SCN2B: variants seen among roughly 807,000 people sequenced by gnomAD.
SCN2B encodes the protein sodium channel regulatory subunit beta-2.
Under a neutral mutation model 18.2 loss-of-function variants are expected in SCN2B, and 14 were observed. The ratio of observed to expected loss-of-function variants is 0.77; its 90% confidence interval spans 0.51 to 1.21. The LOEUF (loss-of-function observed/expected upper bound fraction) is 1.21, where lower values mean the gene tolerates loss of function less well. SCN2B is among the 50% of genes most tolerant of loss of function. The pLI, the probability that SCN2B is intolerant of heterozygous loss-of-function variation, is 0.00. For synonymous variants in SCN2B, 115 were observed against 115.3 expected, an observed-to-expected ratio of 1.00 and a Z score of 0.02; for missense variants, 262 against 286.9, an observed-to-expected ratio of 0.91 and a Z score of 0.63.
rs1052055631 is a variant in SCN2B at position 118,167,975 on chromosome 11, G to T, written c.448+110C>A. On this transcript the variant is annotated intron_variant, in intron 3 of 3. Coordinates refer to ENST00000278947, the MANE Select transcript of SCN2B (RefSeq NM_004588.5). ...TTCCTTCTATGCAGCACAAATGGTT[G>T]CTCCCATCCTCAGGAGGGCCTGGCC... is the stretch of plus-strand genomic sequence containing the variant. The T allele has an allele frequency of 7.2e-6, 6 of 827,992 alleles. No individual in the cohort carries two copies. The Admixed American group carries it at 1.0e-4, about 14-fold the overall frequency. The allele number at this position is 827,992 out of a possible 1,614,324, so 51.3% of individuals were successfully genotyped here.
rs759635029 is a variant in SCN2B, at chr11:118,166,878, G to T, written c.*9C>A. ...ACGGGACACGGGAGGCTGCAGGGCC[G>T]GCCACCCACTACTTGGCGCCATCAT... On this transcript the variant is annotated 3_prime_UTR_variant, in exon 4 of 4. Coordinates refer to ENST00000278947, the MANE Select transcript of SCN2B (RefSeq NM_004588.5). 51 of 1,613,654 alleles carry T rather than the reference G, an allele frequency of 3.2e-5. No homozygotes were observed. Among genetic ancestry groups the T allele is most frequent in the Non-Finnish European group, 4.3e-5 (51 of 1,179,966 alleles).
chr11:118,175,637 G>A (rs749128788), intron 1 of SCN2B, among the ~76,000 whole-genome samples: 4 of 152,212 alleles, frequency 2.6e-5, no homozygotes, highest in Non-Finnish European at 4.4e-5. Context: ...AGGACAGTCT[G>A]CAAGACTGGG....
Position 118,176,600 on chromosome 11 carries a change from T to G in SCN2B, c.-169A>C. 1 of 423,042 alleles carries G rather than the reference T, an allele frequency of 2.4e-6. No homozygotes were observed. Among genetic ancestry groups the G allele is most frequent in the Non-Finnish European group, 4.5e-6 (1 of 221,738 alleles). The allele number at this position is 423,042 out of a possible 1,614,324, so 26.2% of individuals were successfully genotyped here. ...TTTCCATCTCTCTAATATGGCCGGC[T>G]TGTATGTTGCTGCTAAAAAGAGAGA... On this transcript the variant is annotated 5_prime_UTR_variant, in exon 1 of 4. Transcript: ENST00000278947.
intron 1 of SCN2B, among the ~76,000 whole-genome samples, chr11:118,170,339 C>T (rs1401500691): frequency 1.3e-5 from 2 of 152,114 alleles, no homozygotes; most frequent in African/African-American, 2.4e-5. Flanking sequence ...AGAGTGAGCC[C>T]GTTGAAGTTT....
Position 118,168,208 on chromosome 11 carries a change from C to G in SCN2B, c.325G>C (p.Asp109His). 4.3e-6 allele frequency: 7 copies of G among 1,614,196 alleles called. No homozygotes were observed. Among genetic ancestry groups the G allele is most frequent in the Non-Finnish European group, 5.9e-6 (7 of 1,180,012 alleles). The change falls in exon 3 of 4, where the codon GAT becomes CAT. Residue 109 changes from aspartate (D) to histidine (H), a missense_variant. Transcript: ENST00000278947. This position sits in a 1 kb window ranked among gnomAD's most constrained non-coding sequence, Gnocchi z 4.7. ...VEFSGNPSKY[D>H]VSVMLRNVQP... is the part of the protein sequence containing the mutation. ...ACGTTTCTCAGCATCACCGACACAT[C>G]GTACTTGCTGGGGTTCCCTGAGAAC...
Position 118,175,195 on chromosome 11 carries a change from C to T in SCN2B, c.70+1167G>A, listed in dbSNP as rs118185890. ...CCTGCCATGCACCAAATCACAAACA[C>T]GTCAGGCAGTAGGCATTCTTTAGTT... On this transcript the variant is annotated intron_variant, in intron 1 of 3. Transcript: ENST00000278947. 4.8e-4 allele frequency among the ~76,000 whole-genome samples: 73 copies of T among 152,308 alleles called. No individual in the cohort carries two copies. The East Asian group carries it at 0.013, about 27-fold the overall frequency.
Position 118,166,824 on chromosome 11 carries a change from G to T in SCN2B, c.*63C>A. On this transcript the variant is annotated 3_prime_UTR_variant, in exon 4 of 4. Coordinates refer to ENST00000278947, the MANE Select transcript of SCN2B (RefSeq NM_004588.5). ...AGCACACCAAGAGCGAGCAGGCAGGGTCACTGTACAGGGCGGAGAGGGGAG... is the reference window on the plus strand; with the variant it reads ...AGCACACCAAGAGCGAGCAGGCAGGTTCACTGTACAGGGCGGAGAGGGGAG... The T allele has an allele frequency of 1.3e-6, 2 of 1,597,426 alleles. No individual in the cohort carries two copies.
Position 118,173,040 on chromosome 11 carries a change from C to A in SCN2B, c.70+3322G>T, listed in dbSNP as rs78804594. 8.4e-3 allele frequency among the ~76,000 whole-genome samples: 1,282 copies of A among 152,196 alleles called. 22 individuals are homozygous for A. Among genetic ancestry groups the A allele is most frequent in the African/African-American group, 0.029 (1,223 of 41,542 alleles). On this transcript the variant is annotated intron_variant, in intron 1 of 3. Coordinates refer to ENST00000278947, the MANE Select transcript of SCN2B (RefSeq NM_004588.5). ...CTTCCTGCTCAAGGGCCTCCCCAACCCCGGCCACTCCAGTCCATCCCCGTG... is the reference window on the plus strand; with the variant it reads ...CTTCCTGCTCAAGGGCCTCCCCAACACCGGCCACTCCAGTCCATCCCCGTG...
chr11:118,175,752 G>A (rs141286350), intron 1 of SCN2B, among the ~76,000 whole-genome samples: 257 of 152,120 alleles, frequency 1.7e-3, no homozygotes, highest in African/African-American at 5.9e-3. Context: ...CATTCCATCC[G>A]GCCCAAGCCA....
intron 1 of SCN2B, among the ~76,000 whole-genome samples, chr11:118,175,226 G>A (rs181808628): frequency 5.6e-4 from 85 of 152,326 alleles, no homozygotes; most frequent in Admixed American, 3.3e-3. Flanking sequence ...TAGTTTACCC[G>A]GGAGGGAACT....
In SCN2B at chr11:118,168,315, C is replaced by T; in HGVS notation, c.238-20G>A. Reference sequence around the variant, plus strand: ...GAGGAACTGGGGTTGGAGCAAGGGACAGGATGGGTGGCTGGATGAGCAAGG... The same window carrying T: ...GAGGAACTGGGGTTGGAGCAAGGGATAGGATGGGTGGCTGGATGAGCAAGG... On this transcript the variant is annotated intron_variant, in intron 2 of 3. Coordinates refer to ENST00000278947, the MANE Select transcript of SCN2B (RefSeq NM_004588.5). The surrounding 1 kb of genome is among the most constrained non-coding windows in gnomAD (Gnocchi z 4.7). The T allele has an allele frequency of 1.2e-6, 2 of 1,606,018 alleles. No homozygotes were observed. The highest frequency in any genetic ancestry group is 1.1e-5 in the South Asian group (1 of 90,792).
At chr11:118,170,704 T>TG (rs1948424559) in intron 1 of SCN2B, among the ~76,000 whole-genome samples, 1 of 151,950 alleles carries the variant, frequency 6.6e-6, no homozygotes, top group Admixed American at 6.6e-5. Context: ...GCTGGAAGAG[T>TG]GGGGGCTACT....
intron 1 of SCN2B, among the ~76,000 whole-genome samples, chr11:118,174,091 C>CTTTTGT (rs1555101438): frequency 0.032 from 2,102 of 66,702 alleles, 423 homozygotes; most frequent in African/African-American, 0.13. Flanking sequence ...TTTTTCTTTT[C>CTTTTGT]TTTTTTTTTT....
chr11:118,173,168 C>A (rs867070500), intron 1 of SCN2B, among the ~76,000 whole-genome samples: 3 of 152,180 alleles, frequency 2.0e-5, no homozygotes, highest in Non-Finnish European at 2.9e-5. Context: ...AGCTTCCAAG[C>A]CCTTTGGCAT....
chr11:118,172,392 A>C (rs907658135), intron 1 of SCN2B, among the ~76,000 whole-genome samples: 2 of 152,230 alleles, frequency 1.3e-5, no homozygotes, highest in African/African-American at 4.8e-5. Context: ...CGAAGCTAGA[A>C]TCTGAAGCCA....
intron 1 of SCN2B, among the ~76,000 whole-genome samples, chr11:118,176,010 C>T (rs528892870): frequency 2.6e-5 from 4 of 152,296 alleles, no homozygotes; most frequent in African/African-American, 7.2e-5. Context: ...CCCAGGACCC[C>T]GCATTTGCAG....
Position 118,168,553 on chromosome 11 carries a change from TC to T in SCN2B, c.237+31del. On this transcript the variant is annotated intron_variant, in intron 2 of 3. Coordinates refer to ENST00000278947, the MANE Select transcript of SCN2B (RefSeq NM_004588.5). The surrounding 1 kb of genome is among the most constrained non-coding windows in gnomAD (Gnocchi z 4.7). ...TTCATGCCATGGGGCTCCTACCTCC[TC>T]CCCTGCCCCTGCCTTCAGCCCAGGA... is the stretch of plus-strand genomic sequence containing the variant. 1 of 1,613,708 alleles carries T rather than the reference TC, an allele frequency of 6.2e-7. No homozygotes were observed. The highest frequency in any genetic ancestry group is 8.5e-7 in the Non-Finnish European group (1 of 1,179,720).
Position 118,166,795 on chromosome 11 carries a change from G to A in SCN2B, c.*92C>T, listed in dbSNP as rs966754399. On this transcript the variant is annotated 3_prime_UTR_variant, in exon 4 of 4. Coordinates refer to ENST00000278947, the MANE Select transcript of SCN2B (RefSeq NM_004588.5). ...GGTGGGCCCTGGGGTCCTAGGTCAC[G>A]GGAAGCACACCAAGAGCGAGCAGGC... 28 of 1,528,542 alleles carry A rather than the reference G, an allele frequency of 1.8e-5. No individual in the cohort carries two copies. The East Asian group carries it at 2.3e-4, about 12-fold the overall frequency. 94.7% of individuals were successfully genotyped at this position (1,528,542 alleles called of 1,614,324 possible).
rs145225354 is a variant in SCN2B, at chr11:118,168,062, G to A, written c.448+23C>T. 1.2e-4 allele frequency: 200 copies of A among 1,602,242 alleles called. No individual in the cohort carries two copies. The African/African-American group carries it at 1.7e-3, about 13-fold the overall frequency. The stretch of plus-strand genomic sequence containing the variant: ...GGTGGGTGGGAAAGGTCAGGGCCCC[G>A]CAGCTGGCACCCCAGCCTTCACCTT... On this transcript the variant is annotated intron_variant, in intron 3 of 3. Coordinates refer to ENST00000278947, the MANE Select transcript of SCN2B (RefSeq NM_004588.5). This position sits in a 1 kb window ranked among gnomAD's most constrained non-coding sequence, Gnocchi z 4.7.
Sources: allele counts gnomAD v4.1 joint callset (sites outside exome capture counted in the v4.1 genomes callset), GRCh38; gene constraint gnomAD v4.1.1; non-coding constraint Gnocchi (gnomAD v3.1); transcripts MANE v1.5; gene names NCBI Gene and HGNC (gene_info 2026-07-23, HGNC 2026-07-21).